The following ADAMTS17 variants were observed in gnomAD, a reference collection of about 807,000 sequenced individuals.
ADAMTS17 encodes the protein A disintegrin and metalloproteinase with thrombospondin motifs 17.
A neutral mutation model predicts 141.5 loss-of-function variants in ADAMTS17; 113 were observed. The observed-to-expected ratio is 0.80, with a 90% CI of 0.69 to 0.93. ADAMTS17 has a LOEUF of 0.93. Among genes scored for constraint, ADAMTS17 ranks in the 40% least tolerant of loss-of-function variants. The pLI, the probability that ADAMTS17 is intolerant of heterozygous loss-of-function variation, is 0.00. For synonymous variants in ADAMTS17, 768 were observed against 630.6 expected, an observed-to-expected ratio of 1.22 and a Z score of -3.27; for missense variants, 1,659 against 1,517.9, an observed-to-expected ratio of 1.09 and a Z score of -1.54.
At chr15:100,137,389 A>T (rs1272915110) in intron 10 of ADAMTS17, among the ~76,000 whole-genome samples, 1 of 152,174 alleles carries the variant, frequency 6.6e-6, no homozygotes, top group Non-Finnish European at 1.5e-5. Context: ...TAAAATGTGA[A>T]AACTGAGATA....
chr15:100,265,959 C>T (rs1379162170), intron 4 of ADAMTS17, among the ~76,000 whole-genome samples: 2 of 152,214 alleles, frequency 1.3e-5, no homozygotes, highest in African/African-American at 2.4e-5. Context: ...TCCACACCCA[C>T]CGGAGTGTGG....
intron 17 of ADAMTS17, among the ~76,000 whole-genome samples, chr15:100,049,589 A>C (rs2031982574): frequency 6.6e-6 from 1 of 152,172 alleles, no homozygotes. Flanking sequence ...TCCCAAATAG[A>C]TGTAGCCCTT....
chr15:100,006,866 T>C (rs1342434931), intron 18 of ADAMTS17, among the ~76,000 whole-genome samples: 1 of 152,146 alleles, frequency 6.6e-6, no homozygotes, highest in Non-Finnish European at 1.5e-5. Context: ...TCATACAACA[T>C]GGCAGCATAA....
chr15:100,264,456 T>A (rs534541663), intron 4 of ADAMTS17, among the ~76,000 whole-genome samples: 1 of 152,162 alleles, frequency 6.6e-6, no homozygotes, highest in East Asian at 1.9e-4. Flanking sequence ...TTCACTGAGA[T>A]TGCACAGCAC....
intron 15 of ADAMTS17, among the ~76,000 whole-genome samples, chr15:100,060,841 G>T (rs12916748): frequency 1.3e-5 from 2 of 152,284 alleles, no homozygotes; most frequent in East Asian, 3.9e-4. Flanking sequence ...CCCAGCAAAT[G>T]TGAGAGTAAT....
intron 3 of ADAMTS17, among the ~76,000 whole-genome samples, chr15:100,306,996 G>A (rs954071983): frequency 4.6e-5 from 7 of 152,186 alleles, no homozygotes; most frequent in Non-Finnish European, 7.3e-5. Context: ...AGGGACTGAG[G>A]AGCACTTCAT....
At chr15:100,133,664 T>C (rs1335277361) in intron 10 of ADAMTS17, among the ~76,000 whole-genome samples, 1 of 152,134 alleles carries the variant, frequency 6.6e-6, no homozygotes, top group African/African-American at 2.4e-5. Flanking sequence ...ATCTTCCATT[T>C]ACAGCAGTGA....
chr15:100,157,877 T>G (rs2039507540), intron 8 of ADAMTS17, among the ~76,000 whole-genome samples: 1 of 149,598 alleles, frequency 6.7e-6, no homozygotes, highest in African/African-American at 2.4e-5. Context: ...TGAGAACAGT[T>G]TAGCTATATT....
chr15:100,158,850 C>A (rs544055077), intron 8 of ADAMTS17, among the ~76,000 whole-genome samples: 1 of 152,088 alleles, frequency 6.6e-6, no homozygotes, highest in African/African-American at 2.4e-5. Flanking sequence ...ATACAAATGG[C>A]CAGCAGGCAC....
At chr15:100,328,125 A>C (rs1453975178) in intron 3 of ADAMTS17, among the ~76,000 whole-genome samples, 1 of 152,230 alleles carries the variant, frequency 6.6e-6, no homozygotes, top group African/African-American at 2.4e-5. Flanking sequence ...TGCCATGTTC[A>C]GCCAGGAAGA....
At chr15:100,082,302 G>C (rs2141823994) in intron 15 of ADAMTS17, among the ~76,000 whole-genome samples, 2 of 152,214 alleles carry the variant, frequency 1.3e-5, no homozygotes, top group Middle Eastern at 3.4e-3. Flanking sequence ...TTGACCTCAT[G>C]ATCCACCCAC....
intron 15 of ADAMTS17, among the ~76,000 whole-genome samples, chr15:100,079,195 C>A (rs11853434): frequency 6.6e-6 from 1 of 151,974 alleles, no homozygotes; most frequent in Non-Finnish European, 1.5e-5. Flanking sequence ...AATTCCATTC[C>A]CAGGTATATA....
chr15:100,277,988 C>G (rs976176375), intron 4 of ADAMTS17, among the ~76,000 whole-genome samples: 2 of 152,236 alleles, frequency 1.3e-5, no homozygotes. Flanking sequence ...ACACATGTCA[C>G]AACATGAATG....
At chr15:100,017,166 G>A (rs144374391) in intron 18 of ADAMTS17, among the ~76,000 whole-genome samples, 2,337 of 152,224 alleles carry the variant, frequency 0.015, 57 homozygotes, top group African/African-American at 0.051. Flanking sequence ...GCAGTCACAG[G>A]CCTCACCCAG....
intron 16 of ADAMTS17, among the ~76,000 whole-genome samples, chr15:100,052,502 G>A (rs2032224569): frequency 6.6e-6 from 1 of 152,228 alleles, no homozygotes; most frequent in Admixed American, 6.5e-5. Flanking sequence ...AATCCAGGCT[G>A]GGGACTTCAC....
rs181743583 is a variant in ADAMTS17, at chr15:100,335,200, G to A, written c.451-4146C>T. On this transcript the variant is annotated intron_variant, in intron 2 of 21. Transcript: ENST00000268070. Reference sequence around the variant, plus strand: ...GGGCCCTCCAGGGGACTGTAACGCCGGCTCAAGGTTGAGAACCACTGCTCT... The same window carrying A: ...GGGCCCTCCAGGGGACTGTAACGCCAGCTCAAGGTTGAGAACCACTGCTCT... 2.0e-3 allele frequency among the ~76,000 whole-genome samples: 307 copies of A among 152,204 alleles called. 2 individuals carry two copies. Among genetic ancestry groups the A allele is most frequent in the African/African-American group, 1.9e-3 (79 of 41,506 alleles).
intron 4 of ADAMTS17, among the ~76,000 whole-genome samples, chr15:100,264,289 G>C (rs1483809609): frequency 6.6e-6 from 1 of 152,062 alleles, no homozygotes; most frequent in Non-Finnish European, 1.5e-5. Flanking sequence ...TTCCTGTTTT[G>C]ATAGTTCGAG....
At chr15:100,193,870 G>T (rs1264351633) in intron 8 of ADAMTS17, among the ~76,000 whole-genome samples, 1 of 152,190 alleles carries the variant, frequency 6.6e-6, no homozygotes, top group African/African-American at 2.4e-5. Flanking sequence ...GGCAGGTCTG[G>T]AGAAGCTCCT....
At chr15:100,103,835 C>T (rs2036265512) in intron 14 of ADAMTS17, among the ~76,000 whole-genome samples, 1 of 152,150 alleles carries the variant, frequency 6.6e-6, no homozygotes, top group Non-Finnish European at 1.5e-5. Context: ...CTTGGCCTCT[C>T]AAAGTGTTGG....
Sources: allele counts gnomAD v4.1 joint callset (sites outside exome capture counted in the v4.1 genomes callset), GRCh38; gene constraint gnomAD v4.1.1; transcripts MANE v1.5; gene names NCBI Gene and HGNC (gene_info 2026-07-23, HGNC 2026-07-21).